The following RASSF3 variants were observed in gnomAD, a reference collection of about 807,000 sequenced individuals.
RASSF3 encodes the protein Ras association domain family member 3.
A neutral mutation model predicts 19.9 loss-of-function variants in RASSF3; 19 were observed. The observed-to-expected ratio is 0.96, with a 90% CI of 0.67 to 1.40. The LOEUF (loss-of-function observed/expected upper bound fraction) is 1.40. RASSF3 is among the 40% of genes most tolerant of loss of function. The probability of loss-of-function intolerance (pLI) is 0.00; values close to 1 mark genes in which losing one functional copy is unlikely to be tolerated. For missense variants in RASSF3, 306 were observed against 289.8 expected (o/e 1.06, Z -0.41); for synonymous variants, 110 against 104.2 (o/e 1.06, Z -0.34).
intron 1 of RASSF3, among the ~76,000 whole-genome samples, chr12:64,641,092 C>T (rs978773065): frequency 2.0e-5 from 3 of 152,010 alleles, no homozygotes. Context: ...TTCCATGTGA[C>T]TTAGAGCTTT....
rs527905836 is a variant in RASSF3 at position 64,688,068 on chromosome 12, T to C, written c.220-148T>C. ...TTAACCGCCCTCTGAGGTCATTCCTTTGGGGGCAATCTTTAGTGAAGTTCT... is the reference window on the plus strand; with the variant it reads ...TTAACCGCCCTCTGAGGTCATTCCTCTGGGGGCAATCTTTAGTGAAGTTCT... On this transcript the variant is annotated intron_variant, in intron 2 of 4. Coordinates refer to ENST00000542104, the MANE Select transcript of RASSF3 (RefSeq NM_178169.4). The C allele has an allele frequency of 1.6e-3, 1,169 of 713,106 alleles. 1 individual carries two copies. Among genetic ancestry groups the C allele is most frequent in the Non-Finnish European group, 2.4e-3 (973 of 403,302 alleles). 44.2% of individuals were successfully genotyped at this position (713,106 alleles called of 1,614,324 possible). A position where few individuals can be genotyped will look rare whatever the true frequency, so the allele number is the denominator to read the frequency against.
chr12:64,643,017 A>G (rs1871600654), intron 1 of RASSF3, among the ~76,000 whole-genome samples: 1 of 151,836 alleles, frequency 6.6e-6, no homozygotes, highest in African/African-American at 2.4e-5. Flanking sequence ...ATGGCACCAC[A>G]CCTGGCTAAT....
chr12:64,601,463 A>G (rs573677970), intron 2 of RASSF3, among the ~76,000 whole-genome samples: 1 of 152,316 alleles, frequency 6.6e-6, no homozygotes, highest in South Asian at 2.1e-4. Context: ...ATGGATGAAG[A>G]TCCTCATAGT....
intron 1 of RASSF3, among the ~76,000 whole-genome samples, chr12:64,681,238 ATTTCCTGTGTATTTAATGGTGAACC>A (rs1452003124): frequency 6.6e-6 from 1 of 152,152 alleles, no homozygotes; most frequent in Non-Finnish European, 1.5e-5. Context: ...GTGCTTAGCC[ATTTCCTGTGTATTTAATGGTGAACC>A]TTTGGTGATT....
intron 2 of RASSF3, among the ~76,000 whole-genome samples, chr12:64,582,143 G>A (rs1020336437): frequency 3.3e-5 from 5 of 152,148 alleles, no homozygotes; most frequent in Middle Eastern, 3.2e-3. Context: ...GAGATCCACT[G>A]TGCCCAGCTG....
chr12:64,632,827 T>C lies in RASSF3; in HGVS notation c.111+22084T>C, dbSNP rs369571434. Among the ~76,000 whole-genome samples the C allele has an allele frequency of 7.2e-5, 11 of 152,196 alleles. No homozygotes were observed. In the East Asian group the frequency reaches 1.7e-3, roughly 24 times the overall value. On this transcript the variant is annotated intron_variant, in intron 1 of 4. Transcript: ENST00000542104. The stretch of plus-strand genomic sequence containing the variant: ...GAGATCATCATCCTTGAATTGGAAG[T>C]GGTTGAGATTTATTTGAAATAACAA...
intron 1 of RASSF3, among the ~76,000 whole-genome samples, chr12:64,683,177 G>A (rs1873201674): frequency 6.6e-6 from 1 of 152,224 alleles, no homozygotes; most frequent in Admixed American, 6.5e-5. Context: ...GTTGGAGTTA[G>A]GGAGGATTAG....
chr12:64,630,059 C>G (rs972031991), intron 1 of RASSF3: 2 of 151,674 alleles, frequency 1.3e-5, no homozygotes, highest in Non-Finnish European at 2.9e-5. Context: ...ATAACAGCAC[C>G]AAATTCCCAG....
At chr12:64,534,222 C>T (rs1868774769) in intron 1 of RASSF3, among the ~76,000 whole-genome samples, 1 of 152,146 alleles carries the variant, frequency 6.6e-6, no homozygotes, top group Non-Finnish European at 1.5e-5. Flanking sequence ...CATTGCACCA[C>T]TGCACAACCA....
At chr12:64,624,307 C>T (rs1282791894) in intron 1 of RASSF3, among the ~76,000 whole-genome samples, 1 of 151,942 alleles carries the variant, frequency 6.6e-6, no homozygotes, top group African/African-American at 2.4e-5. Flanking sequence ...AGAGGGAGAA[C>T]TATAGGCTAA....
intron 2 of RASSF3, among the ~76,000 whole-genome samples, chr12:64,589,185 C>T (rs1356596084): frequency 6.6e-6 from 1 of 152,244 alleles, no homozygotes; most frequent in African/African-American, 2.4e-5. Context: ...CGCAGTGGCT[C>T]ACGCCTATAA....
intron 2 of RASSF3, among the ~76,000 whole-genome samples, chr12:64,560,360 C>A (rs368293054): frequency 6.6e-6 from 1 of 152,312 alleles, no homozygotes; most frequent in South Asian, 2.1e-4. Context: ...CAAACAGGTT[C>A]TCTAGCTCTC....
At chr12:64,641,414 A>ACACACGCGCGCGCG in intron 1 of RASSF3, among the ~76,000 whole-genome samples, 1 of 142,100 alleles carries the variant, frequency 7.0e-6, no homozygotes, top group African/African-American at 2.8e-5. Flanking sequence ...ACACACACAC[A>ACACACGCGCGCGCG]CGCGCGCGCG....
chr12:64,516,341 C>T (rs1270561574), intron 1 of RASSF3, among the ~76,000 whole-genome samples: 1 of 152,164 alleles, frequency 6.6e-6, no homozygotes, highest in Non-Finnish European at 1.5e-5. Flanking sequence ...AGATACCGGC[C>T]GGGCGCGGTG....
At chr12:64,640,861 C>T (rs11175489) in intron 1 of RASSF3, among the ~76,000 whole-genome samples, 21,592 of 151,880 alleles carry the variant, frequency 0.14, 2,240 homozygotes, top group African/African-American at 0.29. Context: ...AGGCTGGTCT[C>T]GAACTCCTGG....
At chr12:64,514,185 C>T (rs1331222304) in intron 1 of RASSF3, among the ~76,000 whole-genome samples, 3 of 129,108 alleles carry the variant, frequency 2.3e-5, no homozygotes, top group South Asian at 2.5e-4. Context: ...CAGCGCTCAG[C>T]CTCTTTTTTT....
chr12:64,546,095 C>CAAAAAA (rs34666595), downstream of RASSF3, among the ~76,000 whole-genome samples: 6 of 59,540 alleles, frequency 1.0e-4, no homozygotes, highest in African/African-American at 4.0e-4. Context: ...GACTCCGTCT[C>CAAAAAA]AAAAAAAAAA....
At chr12:64,568,796 G>A (rs964374119) in intron 2 of RASSF3, among the ~76,000 whole-genome samples, 8 of 151,520 alleles carry the variant, frequency 5.3e-5, no homozygotes, top group Admixed American at 1.3e-4. Context: ...TGCAACCTCC[G>A]CCTCCCTGGT....
At chr12:64,509,321 G>GCACA (rs1868313219) in intron 1 of RASSF3, among the ~76,000 whole-genome samples, 2 of 152,180 alleles carry the variant, frequency 1.3e-5, no homozygotes, top group African/African-American at 4.8e-5. Flanking sequence ...GTGGTGGTGG[G>GCACA]TGCCTATAAT....
Sources: gnomAD v4.1 joint callset for allele counts (sites outside exome capture counted in the v4.1 genomes callset) on GRCh38, gnomAD v4.1.1 for gene constraint, MANE v1.5 for transcripts, NCBI Gene and HGNC (gene_info 2026-07-23, HGNC 2026-07-21) for gene names.